The following EXOC4 variants were observed in gnomAD, a reference collection of about 807,000 sequenced individuals.
The protein encoded by EXOC4 is exocyst complex component 4.
A neutral mutation model predicts 107.2 loss-of-function variants in EXOC4; 71 were observed. The observed-to-expected ratio is 0.66, with a 90% CI of 0.55 to 0.81. The LOEUF (loss-of-function observed/expected upper bound fraction) is 0.81, where lower values mean the gene tolerates loss of function less well. Ranked by LOEUF, EXOC4 falls within the 30% of genes least tolerant of loss-of-function variation. The pLI is 0.00. For synonymous variants in EXOC4, 456 were observed against 441.2 expected (o/e 1.03, Z -0.42); for missense variants, 1,108 against 1,189.6 (o/e 0.93, Z 1.01).
chr7:133,375,666 T>C (rs1295342676), intron 7 of EXOC4, among the ~76,000 whole-genome samples: 1 of 152,248 alleles, frequency 6.6e-6, no homozygotes, highest in East Asian at 1.9e-4. Flanking sequence ...AGCTTAATTT[T>C]GTTGACTATT....
chr7:133,563,873 G>A (rs1800856895), intron 9 of EXOC4, among the ~76,000 whole-genome samples: 1 of 152,184 alleles, frequency 6.6e-6, no homozygotes, highest in East Asian at 1.9e-4. Context: ...TGAGACCACT[G>A]ATTTTTGACA....
chr7:134,063,519 TTGTATC>T (rs1796115787), intron 17 of EXOC4, among the ~76,000 whole-genome samples: 2 of 152,290 alleles, frequency 1.3e-5, no homozygotes, highest in African/African-American at 4.8e-5. Context: ...GCTTTCGTCT[TTGTATC>T]TGGGAAAAGG....
chr7:133,862,617 A>G (rs1450997527), intron 11 of EXOC4, among the ~76,000 whole-genome samples: 1 of 152,200 alleles, frequency 6.6e-6, no homozygotes, highest in East Asian at 1.9e-4. Context: ...GTTAAACAAA[A>G]TCATTGCTTT....
At chr7:133,990,941 C>A (rs1794241507) in intron 14 of EXOC4, among the ~76,000 whole-genome samples, 1 of 152,034 alleles carries the variant, frequency 6.6e-6, no homozygotes, top group South Asian at 2.1e-4. Flanking sequence ...TTGGATATAC[C>A]CAGCAGTGAG....
chr7:133,963,847 C>A (rs544726764), intron 14 of EXOC4, among the ~76,000 whole-genome samples: 19 of 152,144 alleles, frequency 1.2e-4, no homozygotes, highest in African/African-American at 4.3e-4. Context: ...CCTAATGGGG[C>A]CATTATCTAC....
At chr7:133,881,367 A>G (rs1032650767) in intron 11 of EXOC4, among the ~76,000 whole-genome samples, 2 of 146,104 alleles carry the variant, frequency 1.4e-5, no homozygotes, top group African/African-American at 5.1e-5. Flanking sequence ...TGCTGCATCT[A>G]CTTGAAGTGC....
At chr7:133,675,043 GA>G (rs1004978850) in intron 10 of EXOC4, among the ~76,000 whole-genome samples, 8 of 152,124 alleles carry the variant, frequency 5.3e-5, no homozygotes, top group African/African-American at 1.9e-4. Flanking sequence ...ATTCAAATAA[GA>G]AAGTGTTCTT....
intron 14 of EXOC4, among the ~76,000 whole-genome samples, chr7:133,983,230 T>C (rs1794037155): frequency 6.6e-6 from 1 of 152,136 alleles, no homozygotes; most frequent in Admixed American, 6.5e-5. Context: ...TCCTCCCCCA[T>C]GACCCAAACA....
intron 12 of EXOC4, among the ~76,000 whole-genome samples, chr7:133,896,654 TTTTA>T: frequency 7.5e-6 from 1 of 132,684 alleles, no homozygotes; most frequent in South Asian, 3.0e-4. Context: ...ATTTTATTTA[TTTTA>T]TTTATTTATT....
chr7:133,464,799 TTGGTTGGG>T lies in EXOC4; in HGVS notation c.1183-10527_1183-10520del, dbSNP rs752298822. Among the ~76,000 whole-genome samples the T allele has an allele frequency of 9.7e-5, 3 of 30,990 alleles. 1 individual carries two copies. The highest frequency in any genetic ancestry group is 1.9e-4 in the Non-Finnish European group (3 of 15,798). 20.3% of individuals were successfully genotyped at this position (30,990 alleles called of 152,430 possible). On this transcript the variant is annotated intron_variant, in intron 7 of 17. Transcript: ENST00000253861. ...CAGTAGCTGAAGTTTTTTTTTTTTG[TTGGTTGGG>T]TTGGTTTTTTTTTTTTTTTTTTTTT...
chr7:134,093,706 C>T, the EXOC4 span, among the ~76,000 whole-genome samples: 105 of 152,098 alleles, frequency 6.9e-4, no homozygotes, highest in African/African-American at 2.4e-3. Flanking sequence ...TTTTAAAACT[C>T]GAAATTATAC....
At chr7:133,317,188 C>T (rs1795008369) in intron 4 of EXOC4, 96 bp from the exon 5 acceptor site, 1 of 775,418 alleles carries the variant, frequency 1.3e-6, no homozygotes, top group Admixed American at 2.0e-5. Context: ...AAAGAGGGCT[C>T]ATGACAAAAA....
intron 11 of EXOC4, among the ~76,000 whole-genome samples, chr7:133,895,351 C>G (rs1427212414): frequency 6.6e-6 from 1 of 151,796 alleles, no homozygotes; most frequent in Admixed American, 6.6e-5. Context: ...TGAGATGAAC[C>G]CAGTACCTCA....
intron 9 of EXOC4, among the ~76,000 whole-genome samples, chr7:133,485,165 A>C (rs1799247862): frequency 6.6e-6 from 1 of 151,932 alleles, no homozygotes; most frequent in African/African-American, 2.4e-5. Context: ...TTTAAAAAGT[A>C]TCATCATGGA....
chr7:133,590,926 G>A (rs1298578457), intron 9 of EXOC4, among the ~76,000 whole-genome samples: 1 of 152,102 alleles, frequency 6.6e-6, no homozygotes, highest in Non-Finnish European at 1.5e-5. Context: ...TTCCCTCTGG[G>A]GCATCACAGA....
intron 4 of EXOC4, among the ~76,000 whole-genome samples, chr7:133,315,683 T>C (rs1236670608): frequency 1.3e-5 from 2 of 152,218 alleles, no homozygotes; most frequent in South Asian, 2.1e-4. Context: ...TAAGATAGTT[T>C]AGGCTAGGAA....
chr7:133,800,959 C>G (rs1369973378), intron 10 of EXOC4, among the ~76,000 whole-genome samples: 2 of 152,142 alleles, frequency 1.3e-5, no homozygotes, highest in African/African-American at 4.8e-5. Context: ...TGAAGTTGAT[C>G]AAGCCCTTCT....
At chr7:133,781,126 A>G (rs755219895) in intron 10 of EXOC4, among the ~76,000 whole-genome samples, 3 of 152,218 alleles carry the variant, frequency 2.0e-5, no homozygotes, top group Non-Finnish European at 2.9e-5. Context: ...CTTGGATATT[A>G]TGTCTTTCTA....
intron 11 of EXOC4, among the ~76,000 whole-genome samples, chr7:133,850,856 A>G (rs192453357): frequency 1.3e-5 from 2 of 152,234 alleles, no homozygotes; most frequent in East Asian, 1.9e-4. Flanking sequence ...TAGTTTTGCC[A>G]TCTGGAATAT....
Sources: gnomAD v4.1 joint callset for allele counts (sites outside exome capture counted in the v4.1 genomes callset) on GRCh38, gnomAD v4.1.1 for gene constraint, MANE v1.5 for transcripts, NCBI Gene and HGNC (gene_info 2026-07-23, HGNC 2026-07-21) for gene names.